Variants in LMO7 observed in about 807,000 individuals in gnomAD.
LMO7 encodes the protein LIM domain 7.
LMO7 carries 120 observed loss-of-function variants against 206.5 expected under a neutral mutation model. That is an observed-to-expected ratio of 0.58 (90% CI 0.50 to 0.68). The LOEUF (loss-of-function observed/expected upper bound fraction) is 0.68, where lower values mean the gene tolerates loss of function less well. Among genes scored for constraint, LMO7 ranks in the 30% least tolerant of loss-of-function variants. The pLI, the probability that LMO7 is intolerant of heterozygous loss-of-function variation, is 0.00. For missense variants in LMO7, 1,959 were observed against 1,957.9 expected, an observed-to-expected ratio of 1.00 and a Z score of -0.01; for synonymous variants, 706 against 681.5, an observed-to-expected ratio of 1.04 and a Z score of -0.56.
chr13:75,769,479 A>C (rs1472014814), intron 4 of LMO7, among the ~76,000 whole-genome samples: 4 of 151,642 alleles, frequency 2.6e-5, no homozygotes, highest in African/African-American at 7.3e-5. Context: ...TAAAACTTTT[A>C]ATTAAAAAAA....
intron 2 of LMO7, among the ~76,000 whole-genome samples, chr13:75,715,916 T>C (rs974030710): frequency 1.8e-4 from 28 of 152,332 alleles, no homozygotes; most frequent in African/African-American, 6.7e-4. Context: ...GTAAATATAG[T>C]AAGCTATCTG....
intron 15 of LMO7, among the ~76,000 whole-genome samples, chr13:75,827,419 C>T (rs2058224214): frequency 6.6e-6 from 1 of 152,158 alleles, no homozygotes; most frequent in Non-Finnish European, 1.5e-5. Context: ...TAAAGTAGAA[C>T]AATCATAATG....
intron 1 of LMO7, among the ~76,000 whole-genome samples, chr13:75,658,672 C>T (rs545756990): frequency 2.0e-5 from 3 of 152,298 alleles, no homozygotes; most frequent in African/African-American, 7.2e-5. Flanking sequence ...CAAGCTGCGC[C>T]TCCTGACCTC....
At chr13:75,685,487 C>G (rs1757653803) in intron 1 of LMO7, among the ~76,000 whole-genome samples, 1 of 152,214 alleles carries the variant, frequency 6.6e-6, no homozygotes, top group African/African-American at 2.4e-5. Context: ...TTAATCTTCT[C>G]ATCTGCCCAT....
At chr13:75,664,595 AG>A (rs943223506) in intron 1 of LMO7, among the ~76,000 whole-genome samples, 2 of 152,134 alleles carry the variant, frequency 1.3e-5, no homozygotes, top group Non-Finnish European at 2.9e-5. Flanking sequence ...TAGTTTTTTG[AG>A]GAACCACCAA....
intron 3 of LMO7, among the ~76,000 whole-genome samples, chr13:75,756,340 T>C (rs906740291): frequency 2.0e-5 from 3 of 152,184 alleles, no homozygotes; most frequent in African/African-American, 7.2e-5. Flanking sequence ...CACTGCCAGC[T>C]GAGACTGAAA....
At chr13:75,696,685 C>A (rs1162738939) in intron 1 of LMO7, among the ~76,000 whole-genome samples, 1 of 152,086 alleles carries the variant, frequency 6.6e-6, no homozygotes, top group Non-Finnish European at 1.5e-5. Flanking sequence ...CCCCAAGCTT[C>A]CCAAGTGGTT....
chr13:75,733,545 T>A (rs1032061382), intron 3 of LMO7, among the ~76,000 whole-genome samples: 1 of 152,164 alleles, frequency 6.6e-6, no homozygotes, highest in Admixed American at 6.5e-5. Flanking sequence ...TTTCTTTGAC[T>A]AGGAAAGGGA....
intron 15 of LMO7, among the ~76,000 whole-genome samples, chr13:75,828,821 G>A (rs968111054): frequency 1.3e-5 from 2 of 152,144 alleles, no homozygotes; most frequent in African/African-American, 4.8e-5. Context: ...AAGATGGGGT[G>A]ATTCAAGATG....
intron 1 of LMO7, among the ~76,000 whole-genome samples, chr13:75,660,088 T>C (rs1014516285): frequency 6.6e-6 from 1 of 152,352 alleles, no homozygotes; most frequent in Middle Eastern, 3.4e-3. Context: ...TAGTTCATAA[T>C]GTTCTTGTAA....
At chr13:75,692,089 GCCT>G (rs1228592846) in intron 1 of LMO7, among the ~76,000 whole-genome samples, 6 of 152,122 alleles carry the variant, frequency 3.9e-5, no homozygotes, top group African/African-American at 1.4e-4. Context: ...TTGACTTTCT[GCCT>G]CCTCCTGCAT....
At position 75,821,487 on chromosome 13, in the gene LMO7, G is replaced by A. The variant is rs2057565290; in HGVS notation, c.2518G>A (p.Val840Ile). 2 of 1,614,128 alleles carry A rather than the reference G, an allele frequency of 1.2e-6. No individual in the cohort carries two copies. Among genetic ancestry groups the A allele is most frequent in the South Asian group, 2.2e-5 (2 of 91,076 alleles). The change falls in exon 14 of 31, where the codon GTT becomes ATT. Residue 840 changes from valine (V) to isoleucine (I), a missense_variant. Physicochemically the swap from Val to Ile is conservative, Grantham distance 29. Transcript: ENST00000377534. ...GAGCACACAAATGGAATCAACTCGTGTTTCAGCTTCTCTCCCCAGAAGTTA... is the reference window on the plus strand; with the variant it reads ...GAGCACACAAATGGAATCAACTCGTATTTCAGCTTCTCTCCCCAGAAGTTA... ...SRSTQMESTR[V>I]SASLPRSYRK...
intron 4 of LMO7, among the ~76,000 whole-genome samples, chr13:75,786,336 G>A (rs1439630010): frequency 1.3e-5 from 2 of 151,674 alleles, no homozygotes; most frequent in African/African-American, 4.8e-5. Context: ...GGTTTGTGAG[G>A]GTTCAATCCC....
chr13:75,677,355 A>T (rs1285908074), intron 1 of LMO7, among the ~76,000 whole-genome samples: 3 of 152,226 alleles, frequency 2.0e-5, no homozygotes, highest in African/African-American at 7.2e-5. Flanking sequence ...TAAACTGAAG[A>T]TCTGTCATAT....
chr13:75,786,444 G>A lies in LMO7; in HGVS notation c.318-8957G>A, dbSNP rs144678562. On this transcript the variant is annotated intron_variant, in intron 4 of 30. Coordinates refer to ENST00000377534, the MANE Select transcript of LMO7 (RefSeq NM_001306080.2). ...GGCTGGAGTGCAGTGGCGCAATCTC[G>A]GCTCATTGCAAGCTCCACCTCCCAA... Among the ~76,000 whole-genome samples, 808 of 150,186 alleles carry A rather than the reference G, an allele frequency of 5.4e-3. 8 individuals are homozygous for A. The highest frequency in any genetic ancestry group is 0.019 in the African/African-American group (767 of 40,702).
chr13:75,706,923 G>A (rs951096446), intron 1 of LMO7, among the ~76,000 whole-genome samples: 2 of 151,926 alleles, frequency 1.3e-5, no homozygotes, highest in Non-Finnish European at 2.9e-5. Context: ...AAAGTTAAAC[G>A]TTCTGAGCCT....
At chr13:75,663,432 C>CTTTCTTTTTTTTTTTTTTTTTTTTTTT (rs1555289857) in intron 1 of LMO7, among the ~76,000 whole-genome samples, 2 of 111,396 alleles carry the variant, frequency 1.8e-5, no homozygotes, top group Non-Finnish European at 3.5e-5. Flanking sequence ...TTCTTTCTTT[C>CTTTCTTTTTTTTTTTTTTTTTTTTTTT]TTTTTTTTTT....
chr13:75,738,657 G>T (rs1337978641), intron 3 of LMO7, among the ~76,000 whole-genome samples: 2 of 152,078 alleles, frequency 1.3e-5, no homozygotes, highest in African/African-American at 4.8e-5. Context: ...TGTTAAATGT[G>T]GGTATGTTCA....
At chr13:75,688,448 A>G (rs2041195121) in intron 1 of LMO7, 1 of 152,210 alleles carries the variant, frequency 6.6e-6, no homozygotes. Flanking sequence ...ATCTATGCTT[A>G]TTCTTTCAAC....
Sources: allele counts gnomAD v4.1 joint callset (sites outside exome capture counted in the v4.1 genomes callset), GRCh38; gene constraint gnomAD v4.1.1; transcripts MANE v1.5; gene names NCBI Gene and HGNC (gene_info 2026-07-23, HGNC 2026-07-21).